Variants in F11R observed in about 807,000 individuals in gnomAD.
F11R encodes junctional adhesion molecule A.
A neutral mutation model predicts 39.3 loss-of-function variants in F11R; 27 were observed. The ratio of observed to expected loss-of-function variants is 0.69; its 90% CI spans 0.51 to 0.95. The LOEUF is 0.95. Ranked by LOEUF, F11R falls within the 40% of genes least tolerant of loss-of-function variation. The pLI, the probability that F11R is intolerant of heterozygous loss-of-function variation, is 0.00. For missense variants in F11R, 335 were observed against 372.7 expected (o/e 0.90, Z 0.83); for synonymous variants, 131 against 144.9 (o/e 0.90, Z 0.69).
At chr1:161,005,012 C>T (rs1455522360) in intron 1 of F11R, among the ~76,000 whole-genome samples, 1 of 151,242 alleles carries the variant, frequency 6.6e-6, no homozygotes, top group Non-Finnish European at 1.5e-5. Context: ...AGTACAAAAA[C>T]CAGCCAGGGG....
Position 161,012,541 on chromosome 1 carries a change from A to C in F11R, c.64+8469T>G, listed in dbSNP as rs190549220. Among the ~76,000 whole-genome samples the C allele has an allele frequency of 4.5e-3, 684 of 152,030 alleles. 8 individuals are homozygous for C. The highest frequency in any genetic ancestry group is 0.016 in the African/African-American group (659 of 41,560). ...AAAGAGAGAGGCTCTGATCTCTATA[A>C]AAATAAAAGAAAAAAAGAATTTTCC... is the stretch of plus-strand genomic sequence containing the variant. On this transcript the variant is annotated intron_variant, in intron 1 of 9. Coordinates refer to ENST00000368026, the MANE Select transcript of F11R (RefSeq NM_016946.6).
intron 1 of F11R, among the ~76,000 whole-genome samples, chr1:161,016,838 G>C (rs913305891): frequency 1.3e-5 from 2 of 152,166 alleles, no homozygotes; most frequent in African/African-American, 4.8e-5. Flanking sequence ...TCACCAGTGT[G>C]GGGAAAAGCA....
At chr1:161,015,212 C>T (rs1468581289) in intron 1 of F11R, among the ~76,000 whole-genome samples, 9 of 150,978 alleles carry the variant, frequency 6.0e-5, no homozygotes, top group Non-Finnish European at 1.0e-4. Context: ...CTGGCTAACA[C>T]GGTGAAACCC....
chr1:160,999,577 C>T, intron 7 of F11R, 63 bp downstream of exon 7: 1 of 1,527,234 alleles, frequency 6.5e-7, no homozygotes, highest in South Asian at 1.1e-5. Context: ...ACTCAGATGA[C>T]ACCCATGCCA....
chr1:161,012,920 C>T (rs940701296), intron 1 of F11R, among the ~76,000 whole-genome samples: 7 of 152,054 alleles, frequency 4.6e-5, no homozygotes, highest in Admixed American at 2.6e-4. Context: ...CCACTGCACC[C>T]GGCCGATTTA....
intron 2 of F11R, 53 bp from the exon 3 acceptor site, chr1:161,001,180 G>C (rs1391810728): frequency 1.2e-5 from 19 of 1,597,064 alleles, no homozygotes; most frequent in Non-Finnish European, 1.6e-5. Flanking sequence ...AAATACACGA[G>C]ATGGGGAACA....
chr1:161,011,875 C>T (rs1363103333), intron 1 of F11R, among the ~76,000 whole-genome samples: 1 of 152,026 alleles, frequency 6.6e-6, no homozygotes, highest in African/African-American at 2.4e-5. Context: ...TAGTCCTTTG[C>T]ATTTTCCTAT....
chr1:161,018,374 G>C (rs188924927), intron 1 of F11R, among the ~76,000 whole-genome samples: 1 of 152,330 alleles, frequency 6.6e-6, no homozygotes. Context: ...CTCAGGGACA[G>C]TGGACAAGCT....
At chr1:161,018,759 CA>C (rs932978272) in intron 1 of F11R, among the ~76,000 whole-genome samples, 10 of 152,238 alleles carry the variant, frequency 6.6e-5, no homozygotes, top group Admixed American at 3.3e-4. Flanking sequence ...AACCCAACCC[CA>C]GATCTAGCCT....
chr1:160,999,298 T>C, intron 8 of F11R, 98 bp downstream of exon 8: 1 of 1,558,706 alleles, frequency 6.4e-7, no homozygotes, highest in Non-Finnish European at 8.9e-7. Context: ...AACTGGTTGC[T>C]TCTGCCTTCA....
rs1461249182 is a variant in F11R, at chr1:160,997,467, G to C, written c.*1404C>G. 1 of 152,388 alleles carries C rather than the reference G, an allele frequency of 6.6e-6. No homozygotes were observed. The highest frequency in any genetic ancestry group is 1.9e-4 in the East Asian group (1 of 5,326). 9.4% of individuals were successfully genotyped at this position (152,388 alleles called of 1,614,324 possible). A position where few individuals can be genotyped will look rare whatever the true frequency, so the allele number is the denominator to read the frequency against. ...CCAAGTACAGCATCAGCTTCACCCTGTGTACCTTCCTCCAGCAAAGGAAGG... is the reference window on the plus strand; with the variant it reads ...CCAAGTACAGCATCAGCTTCACCCTCTGTACCTTCCTCCAGCAAAGGAAGG... On this transcript the variant is annotated 3_prime_UTR_variant, in exon 10 of 10. Transcript: ENST00000368026.
At chr1:161,016,586 G>A (rs1192716336) in intron 1 of F11R, among the ~76,000 whole-genome samples, 1 of 152,216 alleles carries the variant, frequency 6.6e-6, no homozygotes, top group Non-Finnish European at 1.5e-5. Flanking sequence ...GAAGCCGGGA[G>A]GTGGAGGTTG....
At chr1:161,018,687 G>C (rs1361890946) in intron 1 of F11R, among the ~76,000 whole-genome samples, 1 of 152,154 alleles carries the variant, frequency 6.6e-6, no homozygotes, top group Non-Finnish European at 1.5e-5. Flanking sequence ...TAGAATGCAG[G>C]TATGGTGGCC....
At chr1:161,020,323 T>C (rs1456742719) in intron 1 of F11R, among the ~76,000 whole-genome samples, 1 of 151,808 alleles carries the variant, frequency 6.6e-6, no homozygotes, top group Non-Finnish European at 1.5e-5. Flanking sequence ...CTGGGAAGAG[T>C]CACTCAATCA....
intron 1 of F11R, among the ~76,000 whole-genome samples, chr1:161,007,135 C>T (rs983799799): frequency 5.5e-5 from 8 of 146,182 alleles, no homozygotes; most frequent in African/African-American, 2.1e-4. Context: ...CGTGCCATTG[C>T]ACTCCAGCCT....
intron 1 of F11R, among the ~76,000 whole-genome samples, chr1:161,015,691 C>T (rs755359311): frequency 6.7e-6 from 1 of 149,640 alleles, no homozygotes; most frequent in Admixed American, 6.7e-5. Flanking sequence ...ACAACAACAA[C>T]AAAACTCCAT....
chr1:161,016,424 C>A (rs914375495), intron 1 of F11R, among the ~76,000 whole-genome samples: 3 of 151,648 alleles, frequency 2.0e-5, no homozygotes, highest in Non-Finnish European at 4.4e-5. Flanking sequence ...TGCAGTGAGC[C>A]GAGATCGTGC....
chr1:160,996,996 C>T lies in F11R; in HGVS notation c.*1875G>A, dbSNP rs928169758. ...TTCCAAATAGGATAGGGCAAAGTCG[C>T]ACTTAGTATATCCTCCACAGAAAGA... On this transcript the variant is annotated 3_prime_UTR_variant, in exon 10 of 10. Coordinates refer to ENST00000368026, the MANE Select transcript of F11R (RefSeq NM_016946.6). 2 of 152,284 alleles carry T rather than the reference C, an allele frequency of 1.3e-5. No homozygotes were observed. Among genetic ancestry groups the T allele is most frequent in the Non-Finnish European group, 2.9e-5 (2 of 68,024 alleles). 9.4% of individuals were successfully genotyped at this position (152,284 alleles called of 1,614,324 possible).
chr1:161,008,641 T>C (rs957298756), intron 1 of F11R, among the ~76,000 whole-genome samples: 1 of 152,230 alleles, frequency 6.6e-6, no homozygotes, highest in Non-Finnish European at 1.5e-5. Context: ...CCTTTAGAGT[T>C]GGGTGATTCT....
Sources: allele counts gnomAD v4.1 joint callset (sites outside exome capture counted in the v4.1 genomes callset), GRCh38; gene constraint gnomAD v4.1.1; transcripts MANE v1.5; gene names NCBI Gene and HGNC (gene_info 2026-07-23, HGNC 2026-07-21).